The following ANKFY1 variants were observed in gnomAD, a reference collection of about 807,000 sequenced individuals.
ANKFY1 encodes ankyrin repeat and FYVE domain containing 1, also known as ankyrin repeat and FYVE domain-containing protein 1.
ANKFY1 carries 47 observed loss-of-function variants against 128.3 expected under a neutral mutation model. The observed-to-expected ratio is 0.37, with a 90% confidence interval of 0.29 to 0.47. The LOEUF (loss-of-function observed/expected upper bound fraction) is 0.47. Among genes scored for constraint, ANKFY1 ranks in the 20% least tolerant of loss-of-function variants. ANKFY1 has a pLI of 1.00. For missense variants in ANKFY1, 1,222 were observed against 1,510.6 expected, an observed-to-expected ratio of 0.81 and a Z score of 3.17; for synonymous variants, 553 against 601.6, an observed-to-expected ratio of 0.92 and a Z score of 1.18.
In ANKFY1 at chr17:4,172,791, A is replaced by G. The variant is rs2059344792; in HGVS notation, c.3015-111T>C. On this transcript the variant is annotated intron_variant, in intron 21 of 24. Coordinates refer to ENST00000341657, the MANE Select transcript of ANKFY1 (RefSeq NM_001330063.2). Reference sequence around the variant, plus strand: ...GGTGGATAAATCTAAAAGACACAAAACAAGTCACAAAAGTTTTTCTTTTTC... The same window carrying G: ...GGTGGATAAATCTAAAAGACACAAAGCAAGTCACAAAAGTTTTTCTTTTTC... 13 of 1,393,980 alleles carry G rather than the reference A, an allele frequency of 9.3e-6. No individual in the cohort carries two copies. In the South Asian group the frequency reaches 1.8e-4, roughly 19 times the overall value. The allele number at this position is 1,393,980 out of a possible 1,614,324, so 86.4% of individuals were successfully genotyped here.
intron 1 of ANKFY1, among the ~76,000 whole-genome samples, chr17:4,248,559 G>C (rs1251352655): frequency 6.6e-6 from 1 of 152,222 alleles, no homozygotes; most frequent in Non-Finnish European, 1.5e-5. Flanking sequence ...GTTTAGTAAG[G>C]CTTACCGCTG....
rs2059842501 is a variant in ANKFY1 at position 4,197,241 on chromosome 17, G to A, written c.1103+132C>T. ...ACACTACTACTACACATCGATGTCT[G>A]TGACTTTAATGAAAATAAGACTGAA... On this transcript the variant is annotated intron_variant, in intron 8 of 24. Transcript: ENST00000341657. The A allele has an allele frequency of 5.4e-6, 5 of 921,940 alleles. No individual in the cohort carries two copies. The South Asian group carries it at 6.3e-5, about 12-fold the overall frequency. The allele number at this position is 921,940 out of a possible 1,614,324, so 57.1% of individuals were successfully genotyped here.
chr17:4,173,366 G>C lies in ANKFY1; in HGVS notation c.3002C>G (p.Ala1001Gly), dbSNP rs375707151. ...CCAACGCGCTCACCTGAGATTAAAG[G>C]CTTCGGCGTCCACTGTGCACTCTGT... ...LLTECTVDAE[A>G]FNLRGQSPLH... The change falls in exon 21 of 25, where the codon GCC becomes GGC. Residue 1001 changes from alanine to glycine, a missense_variant. By Grantham distance (60) the Ala-to-Gly change is moderately conservative. Coordinates refer to ENST00000341657, the MANE Select transcript of ANKFY1 (RefSeq NM_001330063.2). 1.9e-5 allele frequency: 30 copies of C among 1,614,140 alleles called. No individual in the cohort carries two copies. Among genetic ancestry groups the C allele is most frequent in the Non-Finnish European group, 2.3e-5 (27 of 1,180,010 alleles).
At chr17:4,208,649 A>G (rs2060069196) in intron 5 of ANKFY1, among the ~76,000 whole-genome samples, 1 of 152,236 alleles carries the variant, frequency 6.6e-6, no homozygotes, top group Non-Finnish European at 1.5e-5. Context: ...GCCTTTTCTG[A>G]AACTCTAAGG....
At chr17:4,241,278 T>C (rs1340713931) in intron 2 of ANKFY1, among the ~76,000 whole-genome samples, 1 of 23,796 alleles carries the variant, frequency 4.2e-5, no homozygotes, top group African/African-American at 2.1e-4. Flanking sequence ...TCTTCTTCTT[T>C]TTTTTTTTTT....
At chr17:4,221,094 G>C (rs1171941939) in intron 3 of ANKFY1, among the ~76,000 whole-genome samples, 1 of 152,212 alleles carries the variant, frequency 6.6e-6, no homozygotes, top group Non-Finnish European at 1.5e-5. Flanking sequence ...ATGTGGCCTA[G>C]TTTTTTGTTT....
At chr17:4,196,917 C>T (rs1023430949) in intron 8 of ANKFY1, among the ~76,000 whole-genome samples, 6 of 152,212 alleles carry the variant, frequency 3.9e-5, no homozygotes, top group South Asian at 4.1e-4. Flanking sequence ...CTCAGGAGTT[C>T]GAGGCCAGCC....
At chr17:4,222,131 G>A (rs905091377) in intron 3 of ANKFY1, 18 of 149,084 alleles carry the variant, frequency 1.2e-4, no homozygotes, top group African/African-American at 4.4e-4. Context: ...CAGGCGCCGG[G>A]AGGCGTGGCT....
At chr17:4,248,271 T>G (rs1487853835) in intron 1 of ANKFY1, among the ~76,000 whole-genome samples, 1 of 152,230 alleles carries the variant, frequency 6.6e-6, no homozygotes, top group East Asian at 1.9e-4. Context: ...CTCCGCCTCC[T>G]GTGAGATCAG....
At chr17:4,246,401 G>A (rs200314298) in intron 1 of ANKFY1, among the ~76,000 whole-genome samples, 3 of 152,130 alleles carry the variant, frequency 2.0e-5, no homozygotes, top group African/African-American at 7.2e-5. Context: ...TTCTCTACGA[G>A]AAATACAAAT....
chr17:4,229,975 A>G (rs1444436962), intron 3 of ANKFY1, among the ~76,000 whole-genome samples: 1 of 152,220 alleles, frequency 6.6e-6, no homozygotes, highest in Non-Finnish European at 1.5e-5. Flanking sequence ...ATTTGTGAGC[A>G]TATTCTTTTT....
chr17:4,212,536 G>A (rs1247778438), intron 4 of ANKFY1, among the ~76,000 whole-genome samples: 8 of 152,174 alleles, frequency 5.3e-5, no homozygotes, highest in East Asian at 1.9e-4. Flanking sequence ...AGCCGTTCTC[G>A]TCTCTAAAAC....
At position 4,177,137 on chromosome 17, in the gene ANKFY1, C is replaced by A; in HGVS notation, c.2764G>T (p.Val922Phe). 1 of 1,585,098 alleles carries A rather than the reference C, an allele frequency of 6.3e-7. No homozygotes were observed. The highest frequency in any genetic ancestry group is 8.6e-7 in the Non-Finnish European group (1 of 1,166,438). The change falls in exon 19 of 25, where the codon GTC (valine) becomes TTC (phenylalanine). Residue 922 changes from valine to phenylalanine, a missense_variant. By Grantham distance (50) the Val-to-Phe change is conservative. Coordinates refer to ENST00000341657, the MANE Select transcript of ANKFY1 (RefSeq NM_001330063.2). ...TCTGTGTCACTTACCAAATTGCGGA[C>A]AATAATTTCTGAGCCTGCTTGGACA... The part of the protein sequence containing the change: ...LAVQAGSEII[V>F]RNLLLAGAKV...
At chr17:4,212,120 C>T (rs1295267182) in intron 4 of ANKFY1, among the ~76,000 whole-genome samples, 1 of 152,170 alleles carries the variant, frequency 6.6e-6, no homozygotes, top group African/African-American at 2.4e-5. Flanking sequence ...CAGGGAACAG[C>T]CCTTCACCTC....
At chr17:4,172,981 T>C (rs1342035199) in intron 21 of ANKFY1, among the ~76,000 whole-genome samples, 2 of 152,162 alleles carry the variant, frequency 1.3e-5, no homozygotes, top group African/African-American at 4.8e-5. Flanking sequence ...TGCCTCAGCC[T>C]GAGTATCTGG....
intron 2 of ANKFY1, among the ~76,000 whole-genome samples, chr17:4,241,491 A>G (rs980205481): frequency 6.6e-6 from 1 of 151,524 alleles, no homozygotes. Flanking sequence ...CATGTTAGCC[A>G]GGATGATCTC....
Position 4,182,198 on chromosome 17 carries a change from C to T in ANKFY1, c.2104G>A (p.Asp702Asn). 1 of 1,561,582 alleles carries T rather than the reference C, an allele frequency of 6.4e-7. No homozygotes were observed. Among genetic ancestry groups the T allele is most frequent in the East Asian group, 2.3e-5 (1 of 43,224 alleles). The change falls in exon 15 of 25, where the codon GAC (aspartate) becomes AAC (asparagine). Residue 702 changes from aspartate to asparagine, a missense_variant. Transcript: ENST00000341657. ...TGTCTCACCAGAGTGGATGCGATGT[C>T]CTCCAGATTGTTTGCCAATGCAAGC... ...LWLALANNLEDIASTLVRHGC... is the reference protein window; with the variant it reads ...LWLALANNLENIASTLVRHGC...
intron 4 of ANKFY1, among the ~76,000 whole-genome samples, chr17:4,213,811 G>T (rs2060177388): frequency 6.6e-6 from 1 of 151,984 alleles, no homozygotes; most frequent in South Asian, 2.1e-4. Flanking sequence ...CTGACTTCGG[G>T]ATCCACCCAC....
chr17:4,220,088 G>C (rs939948114), intron 3 of ANKFY1, among the ~76,000 whole-genome samples: 2 of 152,176 alleles, frequency 1.3e-5, no homozygotes, highest in Non-Finnish European at 2.9e-5. Flanking sequence ...GCCTCCCAAA[G>C]TGCTGGGATT....
Sources: allele counts gnomAD v4.1 joint callset (sites outside exome capture counted in the v4.1 genomes callset), GRCh38; gene constraint gnomAD v4.1.1; transcripts MANE v1.5; gene names NCBI Gene and HGNC (gene_info 2026-07-23, HGNC 2026-07-21).